Variants in IKZF1 observed in about 807,000 individuals in gnomAD.
IKZF1 encodes IKAROS family zinc finger 1.
A neutral mutation model predicts 51.7 loss-of-function variants in IKZF1; 10 were observed. That is an observed-to-expected ratio of 0.19 (90% CI 0.12 to 0.33). The LOEUF is 0.33. IKZF1 is among the 10% of genes least tolerant of loss of function. IKZF1 has a pLI of 1.00. For synonymous variants in IKZF1, 280 were observed against 282.3 expected (o/e 0.99, Z 0.08); for missense variants, 484 against 707.5 (o/e 0.68, Z 3.58).
chr7:50,357,089 C>T (rs779325554), intron 3 of IKZF1, among the ~76,000 whole-genome samples: 2 of 152,002 alleles, frequency 1.3e-5, no homozygotes, highest in Non-Finnish European at 2.9e-5. Context: ...CCTACTTCCC[C>T]AGCCCACCCT....
intron 1 of IKZF1, among the ~76,000 whole-genome samples, chr7:50,318,158 T>G (rs1477890430): frequency 4.0e-4 from 1 of 2,506 alleles, no homozygotes; most frequent in African/African-American, 4.4e-4. Context: ...AGGACCCAAG[T>G]GCGAAAACAC....
At chr7:50,338,132 C>T (rs1798223117) in intron 3 of IKZF1, among the ~76,000 whole-genome samples, 1 of 152,034 alleles carries the variant, frequency 6.6e-6, no homozygotes, top group Non-Finnish European at 1.5e-5. Context: ...TGAAAAATGC[C>T]AAACCTTGCA....
intron 3 of IKZF1, among the ~76,000 whole-genome samples, chr7:50,351,781 T>C (rs1801907833): frequency 6.6e-6 from 1 of 152,218 alleles, no homozygotes; most frequent in Admixed American, 6.5e-5. Context: ...TTTTCTAAAC[T>C]GCTCAAGCCT....
chr7:50,373,553 C>T (rs915667079), intron 3 of IKZF1, among the ~76,000 whole-genome samples: 9 of 152,198 alleles, frequency 5.9e-5, no homozygotes, highest in Non-Finnish European at 1.3e-4. Flanking sequence ...CCTACACCTT[C>T]GCTATAGCCC....
chr7:50,383,035 A>C (rs1191498122), intron 5 of IKZF1, among the ~76,000 whole-genome samples: 1 of 152,208 alleles, frequency 6.6e-6, no homozygotes, highest in African/African-American at 2.4e-5. Flanking sequence ...TTTTGCGGGA[A>C]ATGTTTTCAC....
chr7:50,366,226 A>G (rs934436968), intron 3 of IKZF1, among the ~76,000 whole-genome samples: 1 of 152,214 alleles, frequency 6.6e-6, no homozygotes, highest in South Asian at 2.1e-4. Context: ...CTATATAACA[A>G]ACCCGCACAT....
chr7:50,324,188 A>C (rs1794216762), intron 2 of IKZF1, among the ~76,000 whole-genome samples: 4 of 152,216 alleles, frequency 2.6e-5, no homozygotes, highest in Admixed American at 2.6e-4. Flanking sequence ...GATGGGTTTC[A>C]TGAAGTGATA....
At chr7:50,372,582 A>G (rs144213224) in intron 3 of IKZF1, among the ~76,000 whole-genome samples, 1 of 152,216 alleles carries the variant, frequency 6.6e-6, no homozygotes, top group South Asian at 2.1e-4. Context: ...GCCCATAGTG[A>G]TCTGTGGATA....
At chr7:50,331,956 T>G (rs1796525903) in intron 3 of IKZF1, among the ~76,000 whole-genome samples, 1 of 152,240 alleles carries the variant, frequency 6.6e-6, no homozygotes, top group Non-Finnish European at 1.5e-5. Context: ...ATGGTCTATT[T>G]AGTGAGACTG....
chr7:50,339,215 T>TTGTGTGTGTGTGTGTG (rs1158908841), intron 3 of IKZF1, among the ~76,000 whole-genome samples: 37 of 126,476 alleles, frequency 2.9e-4, no homozygotes, highest in Middle Eastern at 4.0e-3. Flanking sequence ...TTGGGTAGGG[T>TTGTGTGTGTGTGTGTG]TGTGTGTGTG....
intron 1 of IKZF1, among the ~76,000 whole-genome samples, chr7:50,310,140 A>G (rs1457603979): frequency 6.6e-6 from 1 of 152,228 alleles, no homozygotes; most frequent in Non-Finnish European, 1.5e-5. Flanking sequence ...AAGGCAATTA[A>G]TTATCATTTT....
intron 3 of IKZF1, among the ~76,000 whole-genome samples, chr7:50,364,522 G>A (rs910541666): frequency 6.6e-6 from 1 of 152,210 alleles, no homozygotes; most frequent in African/African-American, 2.4e-5. Flanking sequence ...CAGAGAACAG[G>A]GTTGAGAGGT....
intron 3 of IKZF1, among the ~76,000 whole-genome samples, chr7:50,354,711 TG>T (rs1168998254): frequency 6.6e-6 from 1 of 151,966 alleles, no homozygotes; most frequent in East Asian, 1.9e-4. Flanking sequence ...TCCCTAGTAT[TG>T]GTGAAGAATT....
chr7:50,304,163 G>A (rs1303667362), upstream of IKZF1: 5 of 149,210 alleles, frequency 3.4e-5, no homozygotes, highest in Non-Finnish European at 7.4e-5. Context: ...GGGCTGAGCC[G>A]GAGCCCGGCG....
Position 50,402,115 on chromosome 7 carries a change from C to A in IKZF1, c.*1488C>A. ...GAGGAAGGTGTGTGGAGATTCTAAT[C>A]CCAACAAGCAAGGGTCTCCTTCAAG... On this transcript the variant is annotated 3_prime_UTR_variant, in exon 8 of 8. Transcript: ENST00000331340. 4.3e-6 allele frequency: 1 copy of A among 230,878 alleles called. No homozygotes were observed. Among genetic ancestry groups the A allele is most frequent in the Non-Finnish European group, 8.6e-6 (1 of 116,444 alleles). 14.3% of individuals were successfully genotyped at this position (230,878 alleles called of 1,614,324 possible). A position where few individuals can be genotyped will look rare whatever the true frequency, so the allele number is the denominator to read the frequency against.
intron 3 of IKZF1, among the ~76,000 whole-genome samples, chr7:50,332,610 C>CA (rs1796663114): frequency 1.3e-5 from 2 of 152,232 alleles, no homozygotes; most frequent in South Asian, 4.2e-4. Context: ...AAACCCAGGG[C>CA]AGAGGCACAG....
chr7:50,363,379 T>C (rs925188714), intron 3 of IKZF1, among the ~76,000 whole-genome samples: 3 of 151,976 alleles, frequency 2.0e-5, no homozygotes, highest in African/African-American at 7.3e-5. Context: ...ACCCTTGACA[T>C]CTGAAAAGAA....
intron 3 of IKZF1, among the ~76,000 whole-genome samples, chr7:50,364,946 G>A (rs139728336): frequency 1.5e-4 from 23 of 152,296 alleles, no homozygotes; most frequent in African/African-American, 4.3e-4. Context: ...TTGGGAATTT[G>A]TTCATTGAGG....
chr7:50,401,408 C>G lies in IKZF1; in HGVS notation c.*781C>G, dbSNP rs1171242786. On this transcript the variant is annotated 3_prime_UTR_variant, in exon 8 of 8. Transcript: ENST00000331340. The stretch of plus-strand genomic sequence containing the variant: ...TGCCCCGTAGGAGGAGACTGTCTTC[C>G]CGTGGGCATATCTGGGGAGCCCTGT... 1 of 226,672 alleles carries G rather than the reference C, an allele frequency of 4.4e-6. No homozygotes were observed. Among genetic ancestry groups the G allele is most frequent in the African/African-American group, 2.2e-5 (1 of 44,926 alleles). 14.0% of individuals were successfully genotyped at this position (226,672 alleles called of 1,614,324 possible). A position where few individuals can be genotyped will look rare whatever the true frequency, so the allele number is the denominator to read the frequency against.
Sources: gnomAD v4.1 joint callset for allele counts (sites outside exome capture counted in the v4.1 genomes callset) on GRCh38, gnomAD v4.1.1 for gene constraint, MANE v1.5 for transcripts, NCBI Gene and HGNC (gene_info 2026-07-23, HGNC 2026-07-21) for gene names.